The following WWOX variants were observed in gnomAD, a reference collection of about 807,000 sequenced individuals.
WWOX encodes the protein WW domain-containing oxidoreductase.
In WWOX, 69 loss-of-function variants were observed where a neutral mutation model predicts 46.2. The observed-to-expected ratio is 1.49, with a 90% CI of 1.23 to 1.82. The LOEUF is 1.82. Among genes scored for constraint, WWOX ranks in the 40% most tolerant of loss-of-function variants. The probability of loss-of-function intolerance (pLI) is 0.00; values close to 1 mark genes in which losing one functional copy is unlikely to be tolerated. For synonymous variants in WWOX, 359 were observed against 202.6 expected (o/e 1.77, Z -6.56); for missense variants, 919 against 542.6 (o/e 1.69, Z -6.89).
intron 8 of WWOX, among the ~76,000 whole-genome samples, chr16:78,596,917 C>G (rs771993898): frequency 9.2e-5 from 14 of 152,156 alleles, no homozygotes; most frequent in East Asian, 1.9e-4. Context: ...CCCACACTCT[C>G]TTGATGCTAT....
At chr16:78,996,218 G>A (rs1257704525) in intron 8 of WWOX, 1 of 984,672 alleles carries the variant, frequency 1.0e-6, no homozygotes, top group Non-Finnish European at 1.2e-6. Flanking sequence ...TTGAAGACTT[G>A]TGGATAGAAG....
chr16:78,669,022 G>T (rs935964811), intron 8 of WWOX, among the ~76,000 whole-genome samples: 4 of 152,186 alleles, frequency 2.6e-5, no homozygotes, highest in Non-Finnish European at 4.4e-5. Flanking sequence ...CTTCAGAACG[G>T]CTTCCTGAAT....
At chr16:78,602,902 G>A (rs1456286156) in intron 8 of WWOX, among the ~76,000 whole-genome samples, 1 of 152,118 alleles carries the variant, frequency 6.6e-6, no homozygotes, top group Non-Finnish European at 1.5e-5. Context: ...TCTCCGCTCT[G>A]TCTTCTGCAT....
At chr16:78,643,677 A>T (rs1305466000) in intron 8 of WWOX, among the ~76,000 whole-genome samples, 2 of 152,076 alleles carry the variant, frequency 1.3e-5, no homozygotes, top group Non-Finnish European at 2.9e-5. Context: ...CCCGTTGTAA[A>T]TGATTGTCTC....
intron 8 of WWOX, among the ~76,000 whole-genome samples, chr16:78,435,287 C>G (rs2083309148): frequency 6.6e-6 from 1 of 152,130 alleles, no homozygotes; most frequent in Admixed American, 6.5e-5. Flanking sequence ...GATGCCCAAC[C>G]TCCATGCCTA....
At chr16:78,250,702 A>G (rs754068372) in intron 5 of WWOX, among the ~76,000 whole-genome samples, 1 of 152,168 alleles carries the variant, frequency 6.6e-6, no homozygotes, top group East Asian at 1.9e-4. Flanking sequence ...GGATAGTACA[A>G]CTGCCCACCT....
intron 5 of WWOX, among the ~76,000 whole-genome samples, chr16:78,332,167 T>C (rs1034091264): frequency 7.2e-5 from 11 of 152,172 alleles, no homozygotes; most frequent in African/African-American, 2.7e-4. Context: ...GGGTTATGTC[T>C]TTCCCCACCC....
At chr16:78,383,676 G>T (rs2151931515) in intron 5 of WWOX, among the ~76,000 whole-genome samples, 1 of 152,234 alleles carries the variant, frequency 6.6e-6, no homozygotes, top group East Asian at 1.9e-4. Flanking sequence ...AAACACATAT[G>T]CACACCCTAA....
intron 8 of WWOX, among the ~76,000 whole-genome samples, chr16:78,907,474 G>C (rs1484705354): frequency 6.6e-6 from 1 of 152,178 alleles, no homozygotes; most frequent in Non-Finnish European, 1.5e-5. Context: ...TCTTTTGCTA[G>C]CTTTACAAAG....
chr16:78,952,731 C>A (rs764769886), intron 8 of WWOX, among the ~76,000 whole-genome samples: 5 of 152,116 alleles, frequency 3.3e-5, no homozygotes, highest in African/African-American at 1.2e-4. Context: ...CCTGACAGTA[C>A]GCTCCGTAGG....
In WWOX at chr16:78,344,877, A is replaced by AACT. The variant is rs1231272302; in HGVS notation, c.517-41983_517-41982insACT. On this transcript the variant is annotated intron_variant, in intron 5 of 8. Coordinates refer to ENST00000566780, the MANE Select transcript of WWOX (RefSeq NM_016373.4). ...GTCTGAAGAAGTTAGTTTGGTGAAC[A>AACT]TGGGCTTCAGGGTCAGACTGCTTGT... Among the ~76,000 whole-genome samples the AACT allele has an allele frequency of 8.3e-5, 10 of 121,150 alleles. 4 individuals are homozygous for AACT. Among genetic ancestry groups the AACT allele is most frequent in the Non-Finnish European group, 2.0e-4 (10 of 50,696 alleles). The allele number at this position is 121,150 out of a possible 152,430, so 79.5% of individuals were successfully genotyped here.
At chr16:78,477,926 G>A (rs529527504) in intron 8 of WWOX, among the ~76,000 whole-genome samples, 12 of 152,234 alleles carry the variant, frequency 7.9e-5, no homozygotes, top group African/African-American at 2.2e-4. Context: ...GGTTATGTTC[G>A]TGCTAAAATG....
chr16:78,285,424 C>A (rs920083518), intron 5 of WWOX, among the ~76,000 whole-genome samples: 4 of 151,236 alleles, frequency 2.6e-5, no homozygotes, highest in Non-Finnish European at 5.9e-5. Flanking sequence ...CAGAGTGAGA[C>A]CCTGTCTCTG....
intron 8 of WWOX, among the ~76,000 whole-genome samples, chr16:78,941,386 C>A (rs2045848335): frequency 6.6e-6 from 1 of 152,104 alleles, no homozygotes; most frequent in Admixed American, 6.6e-5. Context: ...GTGGCCATTG[C>A]CAAAGAAAGC....
intron 5 of WWOX, chr16:78,269,284 A>G (rs1394817417): frequency 6.6e-6 from 1 of 152,202 alleles, no homozygotes; most frequent in Non-Finnish European, 1.5e-5. Flanking sequence ...AGAAATTTTT[A>G]TGTCACAGGT....
intron 5 of WWOX, among the ~76,000 whole-genome samples, chr16:78,343,993 C>G (rs2081057202): frequency 1.7e-5 from 2 of 119,600 alleles, no homozygotes; most frequent in South Asian, 5.0e-4. Context: ...TTTTCTGCCC[C>G]TCATGCCGGC....
intron 5 of WWOX, among the ~76,000 whole-genome samples, chr16:78,277,956 T>C (rs2079609849): frequency 6.6e-6 from 1 of 152,166 alleles, no homozygotes; most frequent in African/African-American, 2.4e-5. Flanking sequence ...ACCATGGGGT[T>C]AAAAAAAGTG....
intron 8 of WWOX, among the ~76,000 whole-genome samples, chr16:78,994,188 C>T (rs1220263149): frequency 5.9e-5 from 9 of 152,084 alleles, no homozygotes; most frequent in African/African-American, 1.9e-4. Flanking sequence ...TCGATTCTCT[C>T]CTTATAGGCC....
At chr16:78,112,830 G>C (rs903931376) in intron 3 of WWOX, among the ~76,000 whole-genome samples, 1 of 151,844 alleles carries the variant, frequency 6.6e-6, no homozygotes, top group Non-Finnish European at 1.5e-5. Context: ...CTTCTGAGGA[G>C]CTGGGACTAC....
Sources: gnomAD v4.1 joint callset for allele counts (sites outside exome capture counted in the v4.1 genomes callset) on GRCh38, gnomAD v4.1.1 for gene constraint, MANE v1.5 for transcripts, NCBI Gene and HGNC (gene_info 2026-07-23, HGNC 2026-07-21) for gene names.